The following NTRK3 variants were observed in gnomAD, a reference collection of about 807,000 sequenced individuals.
NTRK3 encodes neurotrophic receptor tyrosine kinase 3.
A neutral mutation model predicts 91.7 loss-of-function variants in NTRK3; 24 were observed. The observed-to-expected ratio is 0.26, with a 90% CI of 0.19 to 0.37. The LOEUF is 0.37. NTRK3 is among the 10% of genes least tolerant of loss of function. The pLI is 1.00. For synonymous variants in NTRK3, 483 were observed against 404.0 expected (o/e 1.20, Z -2.34); for missense variants, 880 against 1,068.9 (o/e 0.82, Z 2.46).
intron 13 of NTRK3, chr15:88,098,663 T>C (rs1353165917): frequency 8.6e-6 from 2 of 231,606 alleles, no homozygotes; most frequent in Non-Finnish European, 1.7e-5. Flanking sequence ...ATTAACAATC[T>C]GGAAGAAGAT....
chr15:88,004,634 T>C (rs1278312587), intron 14 of NTRK3, among the ~76,000 whole-genome samples: 1 of 152,160 alleles, frequency 6.6e-6, no homozygotes, highest in Non-Finnish European at 1.5e-5. Context: ...GAAGAATGTG[T>C]ACCCTACTGC....
exon 15 of NTRK3, chr15:87,940,631 C>A: frequency 6.2e-7 from 1 of 1,613,896 alleles, no homozygotes; most frequent in Non-Finnish European, 8.5e-7. Flanking sequence ...ACCTTCACAG[C>A]CACAAGCATC....
At chr15:88,206,355 C>T (rs1319808605) in intron 3 of NTRK3, among the ~76,000 whole-genome samples, 1 of 115,696 alleles carries the variant, frequency 8.6e-6, no homozygotes, top group Non-Finnish European at 1.8e-5. Flanking sequence ...AAAAAAAAAA[C>T]CAAAAAACAA....
At chr15:87,879,836 T>C (rs986622904) in intron 18 of NTRK3, among the ~76,000 whole-genome samples, 1 of 152,166 alleles carries the variant, frequency 6.6e-6, no homozygotes, top group African/African-American at 2.4e-5. Context: ...ATAAAACTGG[T>C]CTTCCCAAAT....
intron 15 of NTRK3, among the ~76,000 whole-genome samples, chr15:87,939,349 G>C (rs556482858): frequency 6.6e-6 from 1 of 152,150 alleles, no homozygotes; most frequent in Non-Finnish European, 1.5e-5. Context: ...CTAAGGAGAG[G>C]ATATTATTAT....
intron 14 of NTRK3, among the ~76,000 whole-genome samples, chr15:87,996,602 A>G (rs1229590590): frequency 6.6e-6 from 1 of 152,224 alleles, no homozygotes; most frequent in Non-Finnish European, 1.5e-5. Context: ...TGTTCAGCAC[A>G]AACTCAGGAC....
chr15:88,045,120 A>C (rs79550785), intron 13 of NTRK3, among the ~76,000 whole-genome samples: 4,236 of 152,286 alleles, frequency 0.028, 202 homozygotes, highest in African/African-American at 0.097. Context: ...AGAATAGTAC[A>C]TCCAAGTCTC....
rs984341238 is a variant in NTRK3 at position 88,225,840 on chromosome 15, C to T, written c.248+30066G>A. On this transcript the variant is annotated intron_variant, in intron 3 of 18. Transcript: ENST00000394480. ...GAGGAGATTGAAGGAAGGGCCAGAA[C>T]AACAAGGCACAGATCCCTTCCTGGG... Among the ~76,000 whole-genome samples, 14 of 152,278 alleles carry T rather than the reference C, an allele frequency of 9.2e-5. No homozygotes were observed. The East Asian group carries it at 2.5e-3, about 27-fold the overall frequency.
At chr15:87,923,390 G>C (rs1410151062) in intron 17 of NTRK3, among the ~76,000 whole-genome samples, 3 of 152,130 alleles carry the variant, frequency 2.0e-5, no homozygotes, top group Admixed American at 2.0e-4. Flanking sequence ...CTTTTAGCTG[G>C]TTGGGACATA....
At position 88,241,515 on chromosome 15, in the gene NTRK3, G is replaced by A. The variant is rs1301705084; in HGVS notation, c.248+14391C>T. 1.3e-5 allele frequency among the ~76,000 whole-genome samples: 2 copies of A among 152,142 alleles called. No individual in the cohort carries two copies. Among genetic ancestry groups the A allele is most frequent in the African/African-American group, 4.8e-5 (2 of 41,422 alleles). On this transcript the variant is annotated intron_variant, in intron 3 of 18. Coordinates refer to ENST00000394480, the Ensembl canonical transcript of NTRK3. This position sits in a 1 kb window ranked among gnomAD's most constrained non-coding sequence, Gnocchi z 4.3. ...CTCTCCTGCCACTTCTGCTTCCCCA[G>A]GGCCCAGGGAGCTGCTCTGGGCTGG...
intron 17 of NTRK3, among the ~76,000 whole-genome samples, chr15:87,881,184 T>C (rs929890442): frequency 1.3e-5 from 2 of 152,340 alleles, no homozygotes; most frequent in South Asian, 2.1e-4. Context: ...AGGGAACTCC[T>C]CTTTGCCCAG....
intron 15 of NTRK3, among the ~76,000 whole-genome samples, chr15:87,934,388 A>T (rs560474343): frequency 6.6e-6 from 1 of 152,276 alleles, no homozygotes; most frequent in African/African-American, 2.4e-5. Context: ...ATCTAGACAG[A>T]CTAGAGATTG....
At chr15:88,036,612 T>G (rs1316014321) in intron 13 of NTRK3, among the ~76,000 whole-genome samples, 1 of 152,200 alleles carries the variant, frequency 6.6e-6, no homozygotes, top group African/African-American at 2.4e-5. Context: ...GCCGCAGGGC[T>G]GCGGGAAGGA....
chr15:87,980,273 G>C (rs776387010), intron 14 of NTRK3, among the ~76,000 whole-genome samples: 1 of 152,192 alleles, frequency 6.6e-6, no homozygotes, highest in Non-Finnish European at 1.5e-5. Flanking sequence ...TTTCCAGAAA[G>C]ATGTTGTTCA....
intron 3 of NTRK3, among the ~76,000 whole-genome samples, chr15:88,189,395 T>C (rs1276659475): frequency 3.3e-5 from 5 of 151,238 alleles, no homozygotes; most frequent in Admixed American, 1.3e-4. Context: ...TTCTTTGTGC[T>C]AGAATAAATT....
At chr15:87,931,118 C>A (rs1381522983) in intron 16 of NTRK3, 1 of 440,366 alleles carries the variant, frequency 2.3e-6, no homozygotes, top group Admixed American at 2.7e-5. Flanking sequence ...TAGGCTCTCA[C>A]TCTTTATTTC....
At chr15:88,068,754 G>A (rs537054571) in intron 13 of NTRK3, among the ~76,000 whole-genome samples, 35 of 152,218 alleles carry the variant, frequency 2.3e-4, no homozygotes, top group East Asian at 5.8e-4. Context: ...GGTAGGGGTC[G>A]TCAAAGCAGG....
chr15:87,920,603 C>T (rs1361129612), intron 17 of NTRK3, among the ~76,000 whole-genome samples: 1 of 152,246 alleles, frequency 6.6e-6, no homozygotes, highest in East Asian at 1.9e-4. Context: ...ATGAAGATGG[C>T]TGCCCCAGAC....
intron 14 of NTRK3, among the ~76,000 whole-genome samples, chr15:87,944,094 G>C (rs1415569693): frequency 6.6e-6 from 1 of 152,202 alleles, no homozygotes; most frequent in Non-Finnish European, 1.5e-5. Context: ...GGGTAGGGTG[G>C]TGAGTGCTGG....
Sources: allele counts gnomAD v4.1 joint callset (sites outside exome capture counted in the v4.1 genomes callset), GRCh38; gene constraint gnomAD v4.1.1; non-coding constraint Gnocchi (gnomAD v3.1); transcripts MANE v1.5; gene names NCBI Gene and HGNC (gene_info 2026-07-23, HGNC 2026-07-21).